ZNF493: variants seen among roughly 807,000 people sequenced by gnomAD.
ZNF493 encodes zinc finger protein 493.
In ZNF493, 11 loss-of-function variants were observed where a neutral mutation model predicts 12.2. That is an observed-to-expected ratio of 0.90 (90% CI 0.57 to 1.50). The LOEUF (loss-of-function observed/expected upper bound fraction) is 1.50, where lower values mean the gene tolerates loss of function less well. Among genes scored for constraint, ZNF493 ranks in the 40% most tolerant of loss-of-function variants. ZNF493 has a pLI of 0.00. For synonymous variants in ZNF493, 286 were observed against 302.6 expected, an observed-to-expected ratio of 0.95 and a Z score of 0.57; for missense variants, 950 against 906.6, an observed-to-expected ratio of 1.05 and a Z score of -0.61.
chr19:21,418,606 T>G (rs1295413699), intron 3 of ZNF493, among the ~76,000 whole-genome samples: 1 of 151,978 alleles, frequency 6.6e-6, no homozygotes, highest in African/African-American at 2.4e-5. Context: ...CACAGAAATA[T>G]AGAGGTGTGA....
In ZNF493 at chr19:21,423,379, T is replaced by C; in HGVS notation, c.720T>C (p.Tyr240=). ...ATACTGGAGAGAAATCCTACAAATA[T>C]GAATGTGGCAAATCTTTTAACCAGG... ...RVHTGEKSYK[Y]ECGKSFNQDS... Residue 240 remains tyrosine (Y), a synonymous_variant, in exon 4 of 4, where the codon TAT becomes TAC. Transcript: ENST00000392288. 11 of 1,613,598 alleles carry C rather than the reference T, an allele frequency of 6.8e-6. No individual in the cohort carries two copies. Among genetic ancestry groups the C allele is most frequent in the Non-Finnish European group, 9.3e-6 (11 of 1,179,810 alleles).
At chr19:21,413,108 A>G (rs1014630109) in intron 3 of ZNF493, 51 of 293,444 alleles carry the variant, frequency 1.7e-4, no homozygotes, top group Admixed American at 4.8e-5. Flanking sequence ...TAATGATTCC[A>G]TGGGAATCAT....
rs1038331475 is a variant in ZNF493, at chr19:21,397,273, A to G, written c.30+6A>G. On this transcript the variant is annotated splice_donor_region_variant and intron_variant, in intron 1 of 3. Transcript: ENST00000392288. ...CCCCTGAAAGCCTAGACATGGTGAG[A>G]GTGCTGGGTCCGACATCACGAGAGA... 2.9e-5 allele frequency: 47 copies of G among 1,614,070 alleles called. No homozygotes were observed. The highest frequency in any genetic ancestry group is 3.7e-5 in the Non-Finnish European group (44 of 1,180,044).
intron 1 of ZNF493, among the ~76,000 whole-genome samples, chr19:21,400,239 G>T (rs2029895028): frequency 6.6e-6 from 1 of 152,078 alleles, no homozygotes; most frequent in African/African-American, 2.4e-5. Context: ...GTGAAACCCT[G>T]CCTCTACTAA....
At position 21,405,112 on chromosome 19, in the gene ZNF493, G is replaced by A; in HGVS notation, c.31-17G>A. Reference sequence around the variant, plus strand: ...AATGTGTGTGTGTGTGTGTGTGTTTGTGTGTGTTTGTTTCAGGGGCCGTTG... The same window carrying A: ...AATGTGTGTGTGTGTGTGTGTGTTTATGTGTGTTTGTTTCAGGGGCCGTTG... On this transcript the variant is annotated splice_polypyrimidine_tract_variant and intron_variant, in intron 1 of 3. Transcript: ENST00000392288. The A allele has an allele frequency of 6.3e-7, 1 of 1,591,454 alleles. No individual in the cohort carries two copies. The highest frequency in any genetic ancestry group is 8.6e-7 in the Non-Finnish European group (1 of 1,165,946).
chr19:21,416,270 G>A (rs11666447), intron 3 of ZNF493, among the ~76,000 whole-genome samples: 21,077 of 151,902 alleles, frequency 0.14, 1,958 homozygotes, highest in Non-Finnish European at 0.21. Flanking sequence ...CCATACCAGG[G>A]ACATACCCCA....
At position 21,408,619 on chromosome 19, in the gene ZNF493, A is replaced by G. The variant is rs77848878; in HGVS notation, c.253+2763A>G. ...ATATTAATGTTGCATACCAAATTGT[A>G]TGAGTTAAACGTCTCTTCCTGTGCA... On this transcript the variant is annotated intron_variant, in intron 3 of 3. Coordinates refer to ENST00000392288, the MANE Select transcript of ZNF493 (RefSeq NM_001076678.3). 1,661 of 985,104 alleles carry G rather than the reference A, an allele frequency of 1.7e-3. 14 individuals are homozygous for G. In the African/African-American group the frequency reaches 0.026, roughly 16 times the overall value. The allele number at this position is 985,104 out of a possible 1,614,324, so 61.0% of individuals were successfully genotyped here. A position where few individuals can be genotyped will look rare whatever the true frequency, so the allele number is the denominator to read the frequency against.
intron 1 of ZNF493, among the ~76,000 whole-genome samples, chr19:21,403,690 G>C (rs768942058): frequency 1.3e-5 from 2 of 152,144 alleles, no homozygotes; most frequent in Non-Finnish European, 2.9e-5. Context: ...CTCAGATGAA[G>C]AGCTGTGTCC....
At chr19:21,413,236 T>A in intron 3 of ZNF493, 1 of 382,420 alleles carries the variant, frequency 2.6e-6, no homozygotes, top group Non-Finnish European at 4.7e-6. Context: ...GCCTCAATTA[T>A]AGGAGCAGAT....
chr19:21,407,284 A>T (rs900856047), intron 3 of ZNF493, among the ~76,000 whole-genome samples: 40 of 151,356 alleles, frequency 2.6e-4, no homozygotes, highest in African/African-American at 9.5e-4. Context: ...ATCTTAAAAA[A>T]TTATTATTAT....
chr19:21,425,737 C>A lies in ZNF493; in HGVS notation c.*753C>A, dbSNP rs1258954999. On this transcript the variant is annotated 3_prime_UTR_variant, in exon 4 of 4. Coordinates refer to ENST00000392288, the MANE Select transcript of ZNF493 (RefSeq NM_001076678.3). The stretch of plus-strand genomic sequence containing the variant: ...GCTTTTAACCAATTTTCAAACCTTA[C>A]TAAACATAAGATAACTCATACTGGA... 3.1e-6 allele frequency: 2 copies of A among 637,142 alleles called. No individual in the cohort carries two copies. The highest frequency in any genetic ancestry group is 1.4e-5 in the South Asian group (1 of 72,338). The allele number at this position is 637,142 out of a possible 1,614,324, so 39.5% of individuals were successfully genotyped here. A position where few individuals can be genotyped will look rare whatever the true frequency, so the allele number is the denominator to read the frequency against.
At position 21,425,071 on chromosome 19, in the gene ZNF493, A is replaced by AG; in HGVS notation, c.*87_*88insG. Reference sequence around the variant, plus strand: ...CACCAGTACTTTACCCTTAATACACATAAGATAATTAATGCTGGAGAGAAA... The same window carrying AG: ...CACCAGTACTTTACCCTTAATACACAGTAAGATAATTAATGCTGGAGAGAAA... On this transcript the variant is annotated 3_prime_UTR_variant, in exon 4 of 4. Coordinates refer to ENST00000392288, the MANE Select transcript of ZNF493 (RefSeq NM_001076678.3). 2 of 1,426,346 alleles carry AG rather than the reference A, an allele frequency of 1.4e-6. No homozygotes were observed. Among genetic ancestry groups the AG allele is most frequent in the South Asian group, 2.4e-5 (2 of 82,702 alleles). The allele number at this position is 1,426,346 out of a possible 1,614,324, so 88.4% of individuals were successfully genotyped here.
intron 3 of ZNF493, among the ~76,000 whole-genome samples, chr19:21,410,730 C>T (rs553579554): frequency 5.9e-5 from 9 of 151,900 alleles, no homozygotes; most frequent in Non-Finnish European, 1.2e-4. Context: ...TGCCAAGACT[C>T]ATATTATTTC....
intron 3 of ZNF493, among the ~76,000 whole-genome samples, chr19:21,406,745 T>TC (rs1398236664): frequency 1.3e-5 from 2 of 152,130 alleles, no homozygotes; most frequent in Non-Finnish European, 2.9e-5. Context: ...TGTTTTTTTT[T>TC]CTCATAATTA....
rs908623352 is a variant in ZNF493, at chr19:21,424,215, G to A, written c.1556G>A (p.Cys519Tyr). Residue 519 changes from cysteine to tyrosine, a missense_variant, in exon 4 of 4, where the codon TGT (cysteine) becomes TAT (tyrosine). Coordinates refer to ENST00000392288, the MANE Select transcript of ZNF493 (RefSeq NM_001076678.3). ...IIHTGEKPYK[C>Y]EECGKAFKRS... ...CATACTGGAGAAAAACCCTACAAAT[G>A]TGAAGAATGTGGCAAAGCTTTTAAA... is the stretch of plus-strand genomic sequence containing the variant. 1.2e-5 allele frequency: 19 copies of A among 1,612,434 alleles called. No homozygotes were observed. Among genetic ancestry groups the A allele is most frequent in the Non-Finnish European group, 1.5e-5 (18 of 1,178,996 alleles).
rs568545629 is a variant in ZNF493 at position 21,427,575 on chromosome 19, A to G, written c.*2591A>G. 1 of 152,326 alleles carries G rather than the reference A, an allele frequency of 6.6e-6. No individual in the cohort carries two copies. Among genetic ancestry groups the G allele is most frequent in the East Asian group, 1.9e-4 (1 of 5,192 alleles). 9.4% of individuals were successfully genotyped at this position (152,326 alleles called of 1,614,324 possible). ...ATTCAATAAAGTGTTGTTATGCCAC[A>G]AAGATTAACATTTTCCACCTTACCA... is the stretch of plus-strand genomic sequence containing the variant. On this transcript the variant is annotated 3_prime_UTR_variant, in exon 4 of 4. Transcript: ENST00000392288.
At chr19:21,407,216 G>T (rs2030160099) in intron 3 of ZNF493, among the ~76,000 whole-genome samples, 1 of 151,954 alleles carries the variant, frequency 6.6e-6, no homozygotes, top group Non-Finnish European at 1.5e-5. Flanking sequence ...GGGTGTGGCT[G>T]TGGGCACTTG....
rs1039156301 is a variant in ZNF493, at chr19:21,425,821, GTAAACA to G, written c.*841_*846del. On this transcript the variant is annotated 3_prime_UTR_variant, in exon 4 of 4. Transcript: ENST00000392288. ...GCCTTTATCCAGTCCTCAACTCCTAGTAAACATAATTAATGATGGAGAGAAACCATA... is the reference window on the plus strand; with the variant it reads ...GCCTTTATCCAGTCCTCAACTCCTAGTAATTAATGATGGAGAGAAACCATA... 9.0e-6 allele frequency: 5 copies of G among 556,806 alleles called. No individual in the cohort carries two copies. Among genetic ancestry groups the G allele is most frequent in the South Asian group, 1.4e-5 (1 of 70,214 alleles). The allele number at this position is 556,806 out of a possible 1,614,324, so 34.5% of individuals were successfully genotyped here.
At chr19:21,417,910 A>G (rs1599377570) in intron 3 of ZNF493, among the ~76,000 whole-genome samples, 1 of 152,322 alleles carries the variant, frequency 6.6e-6, no homozygotes, top group Non-Finnish European at 1.5e-5. Flanking sequence ...ACAAAAGGAG[A>G]ACCTAGTCCA....
Sources: gnomAD v4.1 joint callset for allele counts (sites outside exome capture counted in the v4.1 genomes callset) on GRCh38, gnomAD v4.1.1 for gene constraint, MANE v1.5 for transcripts, NCBI Gene and HGNC (gene_info 2026-07-23, HGNC 2026-07-21) for gene names.